The following BTD variants were observed in gnomAD, a reference collection of about 807,000 sequenced individuals.
BTD encodes the protein biotinidase.
A neutral mutation model predicts 17.7 loss-of-function variants in BTD; 13 were observed. That is an observed-to-expected ratio of 0.74 (90% CI 0.48 to 1.17). The LOEUF (loss-of-function observed/expected upper bound fraction) is 1.17. Among genes scored for constraint, BTD ranks in the 50% most tolerant of loss-of-function variants. The pLI, the probability that BTD is intolerant of heterozygous loss-of-function variation, is 0.00. For missense variants in BTD, 674 were observed against 650.4 expected, an observed-to-expected ratio of 1.04 and a Z score of -0.39; for synonymous variants, 240 against 245.2, an observed-to-expected ratio of 0.98 and a Z score of 0.20.
chr3:15,610,452 A>C (rs2064585030), intron 1 of BTD, among the ~76,000 whole-genome samples: 2 of 152,240 alleles, frequency 1.3e-5, no homozygotes, highest in African/African-American at 2.4e-5. Flanking sequence ...TGGAACATGG[A>C]TACAGAGAGG....
intron 3 of BTD, chr3:15,642,284 A>G: frequency 7.0e-7 from 1 of 1,427,400 alleles, no homozygotes; most frequent in Non-Finnish European, 9.1e-7. Flanking sequence ...TAATTACACA[A>G]TAAATACAGG....
At chr3:15,689,980 T>C in intron 3 of BTD, 1 of 1,512,340 alleles carries the variant, frequency 6.6e-7, no homozygotes, top group Non-Finnish European at 9.0e-7. Context: ...AAGTATTGGA[T>C]AGAAGTTATA....
chr3:15,635,498 T>C lies in BTD; in HGVS notation c.59T>C (p.Leu20Pro). The C allele has an allele frequency of 6.2e-7, 1 of 1,614,218 alleles. No individual in the cohort carries two copies. Among genetic ancestry groups the C allele is most frequent in the Non-Finnish European group, 8.5e-7 (1 of 1,180,040 alleles). ...LFLCGCYVVA[L>P]GAHTGEESVA... ...CTCTGCGGCTGTTACGTGGTTGCCCTGGGAGCCCACACCGGGGAGGAGAGC... is the reference window on the plus strand; with the variant it reads ...CTCTGCGGCTGTTACGTGGTTGCCCCGGGAGCCCACACCGGGGAGGAGAGC... Residue 20 changes from leucine (L) to proline (P), a missense_variant, in exon 2 of 4, where the codon CTG becomes CCG. Leu to Pro is a moderately conservative substitution (Grantham distance 98). Coordinates refer to ENST00000643237, the MANE Select transcript of BTD (RefSeq NM_001370658.1). The surrounding 1 kb of genome is among the most constrained non-coding windows in gnomAD (Gnocchi z 4.1).
downstream of BTD, among the ~76,000 whole-genome samples, chr3:15,657,901 C>T (rs2065886990): frequency 6.6e-6 from 1 of 151,620 alleles, no homozygotes; most frequent in Non-Finnish European, 1.5e-5. Flanking sequence ...GGCGTGGTGG[C>T]TCACCCCTGT....
At chr3:15,694,300 G>C (rs945595236) in intron 3 of BTD, among the ~76,000 whole-genome samples, 7 of 152,240 alleles carry the variant, frequency 4.6e-5, no homozygotes, top group African/African-American at 1.7e-4. Context: ...TAAAGGACCA[G>C]TGAACACACA....
At chr3:15,643,683 C>T (rs1559598333) in intron 3 of BTD, among the ~76,000 whole-genome samples, 1 of 151,908 alleles carries the variant, frequency 6.6e-6, no homozygotes, top group Non-Finnish European at 1.5e-5. Context: ...ATCCTTTGCA[C>T]ATTTTCAGTA....
Position 15,644,865 on chromosome 3 carries a change from G to T in BTD, c.949G>T (p.Val317Leu). The change falls in exon 4 of 4, where the codon GTG (valine) becomes TTG (leucine). Residue 317 changes from valine (V) to leucine (L), a missense_variant. Coordinates refer to ENST00000643237, the MANE Select transcript of BTD (RefSeq NM_001370658.1). The stretch of plus-strand genomic sequence containing the variant: ...CAAAAGTCACCTTATAATTGCCCAG[G>T]TGGCCAAAAATCCAGTGGGTCTCAT... Reference protein sequence around the residue: ...NPKSHLIIAQVAKNPVGLIGA... With the variant: ...NPKSHLIIAQLAKNPVGLIGA... 1 of 1,614,132 alleles carries T rather than the reference G, an allele frequency of 6.2e-7. No homozygotes were observed. Among genetic ancestry groups the T allele is most frequent in the Non-Finnish European group, 8.5e-7 (1 of 1,180,018 alleles).
At chr3:15,654,556 A>G (rs547383608), downstream of BTD, among the ~76,000 whole-genome samples, 7 of 152,184 alleles carry the variant, frequency 4.6e-5, no homozygotes, top group Non-Finnish European at 1.0e-4. Context: ...CTTTGGAATT[A>G]TTCATGTTAA....
At chr3:15,632,380 C>A (rs1367804098) in intron 1 of BTD, among the ~76,000 whole-genome samples, 1 of 152,228 alleles carries the variant, frequency 6.6e-6, no homozygotes, top group Non-Finnish European at 1.5e-5. Flanking sequence ...AAGCCAGCAC[C>A]TTCCTGGTTC....
chr3:15,699,377 C>G (rs2070197406), intron 3 of BTD, among the ~76,000 whole-genome samples: 1 of 152,082 alleles, frequency 6.6e-6, no homozygotes, highest in Non-Finnish European at 1.5e-5. Context: ...GCAACAGAAG[C>G]CAAAATAGAC....
At chr3:15,714,660 G>T (rs182821122), downstream of BTD, 10 of 1,576,886 alleles carry the variant, frequency 6.3e-6, no homozygotes, top group East Asian at 2.3e-5. Context: ...CTTTACTCTG[G>T]GGGGGGAAGA....
intron 3 of BTD, among the ~76,000 whole-genome samples, chr3:15,690,516 C>T (rs922449617): frequency 2.0e-5 from 3 of 152,096 alleles, no homozygotes; most frequent in Non-Finnish European, 4.4e-5. Flanking sequence ...ATGTGTGACA[C>T]GGATTCATTT....
intron 3 of BTD, chr3:15,677,696 G>A (rs1337488581): frequency 1.8e-6 from 1 of 548,174 alleles, no homozygotes; most frequent in African/African-American, 1.9e-5. Context: ...GAAAAATATT[G>A]TAATATATAA....
At chr3:15,699,376 G>A (rs2070196965) in intron 3 of BTD, among the ~76,000 whole-genome samples, 2 of 152,122 alleles carry the variant, frequency 1.3e-5, no homozygotes, top group South Asian at 4.1e-4. Context: ...AGCAACAGAA[G>A]CCAAAATAGA....
intron 2 of BTD, among the ~76,000 whole-genome samples, chr3:15,637,541 C>T (rs148643813): frequency 2.6e-5 from 4 of 152,278 alleles, no homozygotes; most frequent in Admixed American, 2.6e-4. Context: ...GGGATCTTTA[C>T]TGACATCCCA....
chr3:15,618,987 A>G (rs1216796125), intron 1 of BTD, among the ~76,000 whole-genome samples: 1 of 152,188 alleles, frequency 6.6e-6, no homozygotes, highest in Non-Finnish European at 1.5e-5. Context: ...CATCGATGAC[A>G]ATTTCATCTG....
At chr3:15,695,251 G>C in intron 3 of BTD, 9 of 1,468,820 alleles carry the variant, frequency 6.1e-6, no homozygotes, top group Non-Finnish European at 8.4e-6. Context: ...TTTAGCTTGG[G>C]AAGTATTCAT....
At chr3:15,679,334 G>T (rs999450563) in intron 3 of BTD, 1 of 1,613,856 alleles carries the variant, frequency 6.2e-7, no homozygotes. Flanking sequence ...CACAATGCTG[G>T]CACCTAATGT....
downstream of BTD, chr3:15,713,393 C>T: frequency 4.7e-6 from 3 of 642,482 alleles, no homozygotes; most frequent in Non-Finnish European, 5.3e-6. Flanking sequence ...TTTGTCAATA[C>T]AAAAGAAAGT....
Sources: gnomAD v4.1 joint callset for allele counts (sites outside exome capture counted in the v4.1 genomes callset) on GRCh38, gnomAD v4.1.1 for gene constraint, Gnocchi (gnomAD v3.1) non-coding constraint, MANE v1.5 for transcripts, NCBI Gene and HGNC (gene_info 2026-07-23, HGNC 2026-07-21) for gene names.